Variants in DIS3L2 observed in about 807,000 individuals in gnomAD.
DIS3L2 encodes the protein DIS3 like 3'-5' exoribonuclease 2, also known as DIS3-like exonuclease 2.
Under a neutral mutation model 97.5 loss-of-function variants are expected in DIS3L2, and 34 were observed. That is an observed-to-expected ratio of 0.35 (90% CI 0.27 to 0.46). The LOEUF (loss-of-function observed/expected upper bound fraction) is 0.46, where lower values mean the gene tolerates loss of function less well. DIS3L2 is among the 20% of genes least tolerant of loss of function. DIS3L2 has a pLI of 1.00. For missense variants in DIS3L2, 1,038 were observed against 1,146.0 expected (o/e 0.91, Z 1.36); for synonymous variants, 435 against 445.2 (o/e 0.98, Z 0.29).
In DIS3L2 at chr2:232,333,898, C is replaced by T. The variant is rs774110716; in HGVS notation, c.2069C>T (p.Ala690Val). Residue 690 changes from alanine to valine, a missense_variant, in exon 17 of 21, where the codon GCG (alanine) becomes GTG (valine). Physicochemically the swap from Ala to Val is moderately conservative, Grantham distance 64 (BLOSUM62 0). Coordinates refer to ENST00000325385, the MANE Select transcript of DIS3L2 (RefSeq NM_152383.5). ...LQDPAQFRHY[A>V]LNVPLYTHFT... ...GACCCAGCGCAGTTCCGGCACTACG[C>T]GCTCAATGTGCCCCTGTACACACAC... 4.3e-6 allele frequency: 7 copies of T among 1,612,814 alleles called. No individual in the cohort carries two copies. Among genetic ancestry groups the T allele is most frequent in the Middle Eastern group, 3.3e-4 (2 of 6,084 alleles).
At chr2:232,155,237 A>G (rs576910052) in intron 8 of DIS3L2, among the ~76,000 whole-genome samples, 2,495 of 145,372 alleles carry the variant, frequency 0.017, 43 homozygotes, top group Non-Finnish European at 0.025. Context: ...CCCCTCCTTA[A>G]TTTTCTAAAG....
At chr2:232,190,684 C>G (rs568203222) in intron 9 of DIS3L2, among the ~76,000 whole-genome samples, 11 of 152,028 alleles carry the variant, frequency 7.2e-5, no homozygotes, top group Non-Finnish European at 1.6e-4. Flanking sequence ...GGGAAGAAGT[C>G]TAGATTACAG....
At chr2:232,099,388 G>A (rs1369472941) in intron 6 of DIS3L2, among the ~76,000 whole-genome samples, 1 of 151,810 alleles carries the variant, frequency 6.6e-6, no homozygotes, top group Admixed American at 6.6e-5. Context: ...GATAATTTTT[G>A]TATTTTTAGT....
chr2:232,133,626 T>A lies in DIS3L2; in HGVS notation c.703-2846T>A, dbSNP rs111409999. On this transcript the variant is annotated intron_variant, in intron 7 of 20. Coordinates refer to ENST00000325385, the MANE Select transcript of DIS3L2 (RefSeq NM_152383.5). ...TAAAAATAGCCATCATAAAAGTGCTTCAATAAGCAATTAAAAACTTTCTTG... is the reference window on the plus strand; with the variant it reads ...TAAAAATAGCCATCATAAAAGTGCTACAATAAGCAATTAAAAACTTTCTTG... 1.5e-4 allele frequency among the ~76,000 whole-genome samples: 23 copies of A among 152,262 alleles called. 2 individuals are homozygous for A. The highest frequency in any genetic ancestry group is 5.5e-4 in the African/African-American group (23 of 41,562).
chr2:232,284,324 C>G (rs536571220), intron 13 of DIS3L2, among the ~76,000 whole-genome samples: 7 of 152,288 alleles, frequency 4.6e-5, no homozygotes, highest in African/African-American at 1.7e-4. Context: ...TTGTGTGACC[C>G]AGAGCAAGCT....
At chr2:232,190,367 A>G (rs1415042891) in intron 9 of DIS3L2, among the ~76,000 whole-genome samples, 1 of 152,154 alleles carries the variant, frequency 6.6e-6, no homozygotes, top group Non-Finnish European at 1.5e-5. Flanking sequence ...TAACATGGTT[A>G]CCTCATGCTC....
intron 16 of DIS3L2, among the ~76,000 whole-genome samples, chr2:232,332,363 C>T (rs1476984896): frequency 6.6e-6 from 1 of 152,136 alleles, no homozygotes; most frequent in Non-Finnish European, 1.5e-5. Context: ...TTCCAGGGCC[C>T]GTGTGCACAG....
chr2:232,342,270 T>TACATATATAC (rs539860504), intron 13 of DIS3L2, among the ~76,000 whole-genome samples: 3 of 151,568 alleles, frequency 2.0e-5, no homozygotes, highest in Admixed American at 6.6e-5. Flanking sequence ...CATACACATA[T>TACATATATAC]ACATATATAC....
At chr2:231,962,222 C>T (rs1305925807) in intron 1 of DIS3L2, among the ~76,000 whole-genome samples, 1 of 151,712 alleles carries the variant, frequency 6.6e-6, no homozygotes, top group Non-Finnish European at 1.5e-5. Context: ...ATGTCCTTGA[C>T]GTTTGCGCTT....
chr2:232,109,262 A>G (rs1305185043), intron 6 of DIS3L2, among the ~76,000 whole-genome samples: 2 of 152,136 alleles, frequency 1.3e-5, no homozygotes, highest in Admixed American at 1.3e-4. Flanking sequence ...CCTGGCCAAC[A>G]TGGTGAAACC....
rs79289285 is a variant in DIS3L2 at position 231,987,473 on chromosome 2, G to A, written c.-94+25708G>A. 2.8e-4 allele frequency among the ~76,000 whole-genome samples: 42 copies of A among 152,344 alleles called. No homozygotes were observed. In the East Asian group the frequency reaches 6.9e-3, roughly 25 times the overall value. ...TAGGTTTTATATTTAATGTGCATCT[G>A]GAGGCAGCAAGGTCTTAGTGATGTA... On this transcript the variant is annotated intron_variant, in intron 1 of 20. Coordinates refer to ENST00000325385, the MANE Select transcript of DIS3L2 (RefSeq NM_152383.5).
At chr2:232,048,396 G>GTTA (rs1695302769) in intron 5 of DIS3L2, among the ~76,000 whole-genome samples, 1 of 151,994 alleles carries the variant, frequency 6.6e-6, no homozygotes, top group African/African-American at 2.4e-5. Flanking sequence ...TACTTCTGGA[G>GTTA]CATCAAAAGT....
chr2:232,026,032 T>C (rs916657707), intron 4 of DIS3L2, among the ~76,000 whole-genome samples: 1 of 152,160 alleles, frequency 6.6e-6, no homozygotes, highest in Non-Finnish European at 1.5e-5. Context: ...TTTGCTCTTA[T>C]TGATTGGTGT....
chr2:232,333,909 C>T lies in DIS3L2; in HGVS notation c.2080C>T (p.Pro694Ser), dbSNP rs886055771. ...AQFRHYALNVPLYTHFTSPIR... is the reference protein window; with the variant it reads ...AQFRHYALNVSLYTHFTSPIR... ...GTTCCGGCACTACGCGCTCAATGTG[C>T]CCCTGTACACACACTTCACCTCGCC... is the stretch of plus-strand genomic sequence containing the variant. The change falls in exon 17 of 21, where the codon CCC (proline) becomes TCC (serine). Residue 694 changes from proline to serine, a missense_variant. This residue lies in a region of DIS3L2 where 813 missense variants were observed against 880.1 expected (regional missense o/e 0.92). Coordinates refer to ENST00000325385, the MANE Select transcript of DIS3L2 (RefSeq NM_152383.5). 6.2e-7 allele frequency: 1 copy of T among 1,612,932 alleles called. No individual in the cohort carries two copies. The highest frequency in any genetic ancestry group is 1.1e-5 in the South Asian group (1 of 91,084).
chr2:232,155,789 G>T (rs1320456760), intron 8 of DIS3L2, among the ~76,000 whole-genome samples: 3 of 152,098 alleles, frequency 2.0e-5, no homozygotes, highest in African/African-American at 7.2e-5. Flanking sequence ...AGGAGATTGA[G>T]ACTATCCTGG....
chr2:232,287,481 C>G (rs1190970335), intron 13 of DIS3L2, among the ~76,000 whole-genome samples: 1 of 145,922 alleles, frequency 6.9e-6, no homozygotes, highest in Non-Finnish European at 1.5e-5. Flanking sequence ...TCAGTGCCGC[C>G]TCAAATTTCT....
intron 13 of DIS3L2, among the ~76,000 whole-genome samples, chr2:232,272,008 A>G (rs550897563): frequency 9.3e-4 from 142 of 152,296 alleles, no homozygotes; most frequent in Non-Finnish European, 1.5e-3. Flanking sequence ...GGTGGCCACT[A>G]TTTCTGGCTT....
rs1413397697 is a variant in DIS3L2, at chr2:232,013,811, T to C, written c.-93-1024T>C. Among the ~76,000 whole-genome samples, 7 of 152,224 alleles carry C rather than the reference T, an allele frequency of 4.6e-5. 1 individual carries two copies. In the South Asian group the frequency reaches 1.5e-3, roughly 32 times the overall value. The stretch of plus-strand genomic sequence containing the variant: ...AGGCCATCTCTTTCTCTCCCTTCTT[T>C]CAACTGGATTGGCTTTATCTGTGAA... On this transcript the variant is annotated intron_variant, in intron 1 of 20. Transcript: ENST00000325385.
At chr2:232,115,833 AC>A (rs1479309088) in intron 6 of DIS3L2, among the ~76,000 whole-genome samples, 1 of 152,030 alleles carries the variant, frequency 6.6e-6, no homozygotes, top group Non-Finnish European at 1.5e-5. Context: ...TTTATAAATA[AC>A]CCCATGTCAG....
Sources: gnomAD v4.1 joint callset for allele counts (sites outside exome capture counted in the v4.1 genomes callset) on GRCh38, gnomAD v4.1.1 for gene constraint, gnomAD v4.1.1 regional missense constraint, MANE v1.5 for transcripts, NCBI Gene and HGNC (gene_info 2026-07-23, HGNC 2026-07-21) for gene names.